The following H6PD variants were observed in gnomAD, a reference collection of about 807,000 sequenced individuals.
H6PD encodes the protein hexose-6-phosphate dehydrogenase/glucose 1-dehydrogenase.
Under a neutral mutation model 61.2 loss-of-function variants are expected in H6PD, and 48 were observed. That is an observed-to-expected ratio of 0.78 (90% CI 0.62 to 1.00). The LOEUF (loss-of-function observed/expected upper bound fraction) is 1.00, where lower values mean the gene tolerates loss of function less well. H6PD is among the 50% of genes least tolerant of loss of function. H6PD has a pLI of 0.00. For missense variants in H6PD, 1,093 were observed against 1,065.0 expected, an observed-to-expected ratio of 1.03 and a Z score of -0.37; for synonymous variants, 480 against 457.9, an observed-to-expected ratio of 1.05 and a Z score of -0.62.
At chr1:9,246,006 G>A (rs1318042849) in intron 2 of H6PD, among the ~76,000 whole-genome samples, 1 of 151,092 alleles carries the variant, frequency 6.6e-6, no homozygotes. Flanking sequence ...GCAGTGGCAT[G>A]ATCTCGGCTC....
chr1:9,250,701 A>G (rs1641334102), intron 3 of H6PD, among the ~76,000 whole-genome samples: 1 of 152,140 alleles, frequency 6.6e-6, no homozygotes, highest in Non-Finnish European at 1.5e-5. Flanking sequence ...AGTGCTGGGA[A>G]GGGAGGGGCT....
rs538171188 is a variant in H6PD at position 9,259,405 on chromosome 1, G to T, written c.746-2654G>T. ...TTGTGTTGTTGTTACACTGGTGGTG[G>T]TGTTACAACAACTTGTTGTTACACC... On this transcript the variant is annotated intron_variant, in intron 3 of 4. Transcript: ENST00000377403. Among the ~76,000 whole-genome samples, 1,141 of 152,110 alleles carry T rather than the reference G, an allele frequency of 7.5e-3. 12 individuals are homozygous for T. The highest frequency in any genetic ancestry group is 0.026 in the African/African-American group (1,081 of 41,494).
At chr1:9,263,480 A>G (rs745329356) in intron 4 of H6PD, 29 bp from the exon 5 acceptor site, 9 of 1,608,976 alleles carry the variant, frequency 5.6e-6, no homozygotes, top group Non-Finnish European at 6.8e-6. Context: ...TGTGCCAGAG[A>G]GTCACCCTCT....
chr1:9,265,157 C>A lies in H6PD; in HGVS notation c.*288C>A, dbSNP rs189884646. 26 of 523,900 alleles carry A rather than the reference C, an allele frequency of 5.0e-5. No individual in the cohort carries two copies. The highest frequency in any genetic ancestry group is 1.0e-3 in the Middle Eastern group (2 of 1,912). 32.5% of individuals were successfully genotyped at this position (523,900 alleles called of 1,614,324 possible). A position where few individuals can be genotyped will look rare whatever the true frequency, so the allele number is the denominator to read the frequency against. ...TAAGAAAAGACCTCCAGCAGTTACACATTCATATCAACCAGCACAACACGG... is the reference window on the plus strand; with the variant it reads ...TAAGAAAAGACCTCCAGCAGTTACAAATTCATATCAACCAGCACAACACGG... On this transcript the variant is annotated 3_prime_UTR_variant, in exon 5 of 5. Coordinates refer to ENST00000377403, the MANE Select transcript of H6PD (RefSeq NM_004285.4).
At chr1:9,263,401 TC>T in intron 4 of H6PD, 107 bp from the exon 5 acceptor site, 1 of 932,146 alleles carries the variant, frequency 1.1e-6, no homozygotes, top group East Asian at 2.5e-5. Flanking sequence ...GCGAGGGGCT[TC>T]CCTGAGGCAG....
At chr1:9,239,967 T>A (rs921621013) in intron 1 of H6PD, 4 of 1,231,178 alleles carry the variant, frequency 3.2e-6, no homozygotes, top group Non-Finnish European at 4.1e-6. Context: ...TGGATTCTGA[T>A]CCAAACCCCC....
In H6PD at chr1:9,254,286, C is replaced by T. The variant is rs557714378; in HGVS notation, c.745+7203C>T. On this transcript the variant is annotated intron_variant, in intron 3 of 4. Coordinates refer to ENST00000377403, the MANE Select transcript of H6PD (RefSeq NM_004285.4). This position sits in a 1 kb window ranked among gnomAD's most constrained non-coding sequence, Gnocchi z 4.6. ...AGGAGAATTGCTTGAACCCAGGAGG[C>T]GAAGGTTACAGTGAGCCAAGATCGC... Among the ~76,000 whole-genome samples, 8 of 152,142 alleles carry T rather than the reference C, an allele frequency of 5.3e-5. No homozygotes were observed. The East Asian group carries it at 1.5e-3, about 29-fold the overall frequency.
At chr1:9,239,081 C>G (rs1053588475) in intron 1 of H6PD, among the ~76,000 whole-genome samples, 12 of 151,686 alleles carry the variant, frequency 7.9e-5, no homozygotes, top group African/African-American at 2.7e-4. Flanking sequence ...GAGTCTCACT[C>G]TGTCACCCAG....
chr1:9,239,726 G>A (rs748707042), intron 1 of H6PD: 10 of 358,462 alleles, frequency 2.8e-5, no homozygotes, highest in African/African-American at 6.3e-5. Flanking sequence ...AGAAGGTAAC[G>A]TCAAAAGCTG....
At chr1:9,244,459 G>T (rs1435870350) in intron 1 of H6PD, among the ~76,000 whole-genome samples, 1 of 152,200 alleles carries the variant, frequency 6.6e-6, no homozygotes, top group Non-Finnish European at 1.5e-5. Context: ...ATGGAGAAGA[G>T]GCAAGTGAGA....
rs1349610359 is a variant in H6PD, at chr1:9,237,608, C to CA, written c.-11+2543dup. On this transcript the variant is annotated intron_variant, in intron 1 of 4. Transcript: ENST00000377403. ...ATGGGGATAATCATGTTACCTACCT[C>CA]ATATGGTTGTGGCAAGATTTAAATG... Among the ~76,000 whole-genome samples, 20 of 152,302 alleles carry CA rather than the reference C, an allele frequency of 1.3e-4. No homozygotes were observed. In the South Asian group the frequency reaches 3.1e-3, roughly 24 times the overall value.
In H6PD at chr1:9,234,991, T is replaced by C. The variant is rs994456199; in HGVS notation, c.-86T>C. The C allele has an allele frequency of 2.0e-5, 3 of 147,224 alleles. No homozygotes were observed. Among genetic ancestry groups the C allele is most frequent in the African/African-American group, 7.4e-5 (3 of 40,468 alleles). The allele number at this position is 147,224 out of a possible 1,614,324, so 9.1% of individuals were successfully genotyped here. A position where few individuals can be genotyped will look rare whatever the true frequency, so the allele number is the denominator to read the frequency against. ...TGCGGCCCAGGGCGCAGGGGAGCCC[T>C]CGGGAGCGGGCCCGGCCCTCAGCGC... On this transcript the variant is annotated 5_prime_UTR_variant, in exon 1 of 5. Transcript: ENST00000377403.
chr1:9,246,900 G>C (rs1641191348), intron 2 of H6PD, 66 bp from the exon 3 acceptor site: 2 of 1,097,620 alleles, frequency 1.8e-6, no homozygotes, highest in Admixed American at 3.4e-5. Flanking sequence ...GCCCTTCCCG[G>C]GAGTCAGGGT....
At chr1:9,243,106 G>A (rs1641048196) in intron 1 of H6PD, 1 of 343,980 alleles carries the variant, frequency 2.9e-6, no homozygotes, top group Non-Finnish European at 4.1e-6. Flanking sequence ...CACTGGCTCA[G>A]ACACTGTGGT....
At chr1:9,237,234 C>CTTTTTTTTTTT (rs1557733262) in intron 1 of H6PD, among the ~76,000 whole-genome samples, 1 of 74,676 alleles carries the variant, frequency 1.3e-5, no homozygotes, top group East Asian at 4.7e-4. Flanking sequence ...TATTTGACTT[C>CTTTTTTTTTTT]TCTTTTTTTT....
Position 9,234,931 on chromosome 1 carries a change from A to C in H6PD, c.-146A>C, listed in dbSNP as rs1170958140. The C allele has an allele frequency of 6.8e-6, 1 of 147,642 alleles. No individual in the cohort carries two copies. The highest frequency in any genetic ancestry group is 6.7e-5 in the Admixed American group (1 of 14,898). 9.1% of individuals were successfully genotyped at this position (147,642 alleles called of 1,614,324 possible). ...CGGCGCGTGGCCGCGTGACACGCGC[A>C]CTTGTCGGAGTGACGGGCCCTGCGG... On this transcript the variant is annotated 5_prime_UTR_variant, in exon 1 of 5. Transcript: ENST00000377403.
chr1:9,252,784 G>A (rs1641407544), intron 3 of H6PD, among the ~76,000 whole-genome samples: 1 of 152,186 alleles, frequency 6.6e-6, no homozygotes, highest in Non-Finnish European at 1.5e-5. Context: ...TCTGTTATGA[G>A]TCTGAGCAGC....
chr1:9,237,515 A>G (rs1453482536), intron 1 of H6PD, among the ~76,000 whole-genome samples: 1 of 152,034 alleles, frequency 6.6e-6, no homozygotes, highest in African/African-American at 2.4e-5. Flanking sequence ...TTATAGGCGT[A>G]AGCCACTGCG....
rs774085640 is a variant in H6PD, at chr1:9,263,510, C to T, written c.1017C>T (p.Ala339=). The T allele has an allele frequency of 7.4e-6, 12 of 1,613,798 alleles. No individual in the cohort carries two copies. The highest frequency in any genetic ancestry group is 3.3e-5 in the Admixed American group (2 of 60,012). Residue 339 remains alanine (A), a splice_region_variant and synonymous_variant, in exon 5 of 5, where the codon GCC becomes GCT. Transcript: ENST00000377403. ...CCCTCTGCTGTTCCCTCACCCCAGCCGTCCTAGTGCACATTGACAACCTTC... is the reference window on the plus strand; with the variant it reads ...CCCTCTGCTGTTCCCTCACCCCAGCTGTCCTAGTGCACATTGACAACCTTC... ...SFHSLTPTFA[A]VLVHIDNLRW...
Sources: gnomAD v4.1 joint callset for allele counts (sites outside exome capture counted in the v4.1 genomes callset) on GRCh38, gnomAD v4.1.1 for gene constraint, Gnocchi (gnomAD v3.1) non-coding constraint, MANE v1.5 for transcripts, NCBI Gene and HGNC (gene_info 2026-07-23, HGNC 2026-07-21) for gene names.